Variants in PRKCH observed in about 807,000 individuals in gnomAD.
PRKCH encodes protein kinase C eta type.
PRKCH carries 28 observed loss-of-function variants against 82.5 expected under a neutral mutation model. The observed-to-expected ratio is 0.34, with a 90% confidence interval of 0.25 to 0.47. The LOEUF (loss-of-function observed/expected upper bound fraction) is 0.47, where lower values mean the gene tolerates loss of function less well. PRKCH is among the 20% of genes least tolerant of loss of function. PRKCH has a pLI of 1.00. For synonymous variants in PRKCH, 322 were observed against 327.4 expected (o/e 0.98, Z 0.18); for missense variants, 705 against 881.8 (o/e 0.80, Z 2.54).
Position 61,263,268 on chromosome 14 carries a change from A to G in PRKCH, c.-19+75600A>G, listed in dbSNP as rs1594880358. Reference sequence around the variant, plus strand: ...TTGCACATGATTCTACTGCTGCTGTATGAACTCATAAACATATAGACTTCA... The same window carrying G: ...TTGCACATGATTCTACTGCTGCTGTGTGAACTCATAAACATATAGACTTCA... On this transcript the variant is annotated intron_variant, in intron 1 of 3. Coordinates refer to the PRKCH transcript ENST00000555185. 2.6e-5 allele frequency among the ~76,000 whole-genome samples: 4 copies of G among 152,288 alleles called. No individual in the cohort carries two copies. In the South Asian group the frequency reaches 8.3e-4, roughly 32 times the overall value.
intron 10 of PRKCH, among the ~76,000 whole-genome samples, chr14:61,487,372 T>C (rs1436403577): frequency 6.6e-6 from 1 of 152,158 alleles, no homozygotes; most frequent in Non-Finnish European, 1.5e-5. Flanking sequence ...AGGCAGCTTG[T>C]TTTGAGCTTT....
chr14:61,486,298 TAC>T (rs1369507967), intron 10 of PRKCH, among the ~76,000 whole-genome samples: 39 of 141,066 alleles, frequency 2.8e-4, no homozygotes, highest in African/African-American at 9.7e-4. Flanking sequence ...TTACAAGAAT[TAC>T]AGTCATGTGG....
intron 12 of PRKCH, among the ~76,000 whole-genome samples, chr14:61,537,196 C>CGT (rs1424987620): frequency 2.0e-5 from 3 of 152,158 alleles, no homozygotes; most frequent in African/African-American, 7.2e-5. Flanking sequence ...CAATACTTAA[C>CGT]GTGTGCTTGC....
chr14:61,194,120 C>G (rs1407530354), intron 1 of PRKCH, among the ~76,000 whole-genome samples: 1 of 152,144 alleles, frequency 6.6e-6, no homozygotes, highest in Non-Finnish European at 1.5e-5. Context: ...ATTTCCTACT[C>G]TCTATTTGCT....
At chr14:61,196,427 G>C (rs1473505311) in intron 1 of PRKCH, among the ~76,000 whole-genome samples, 8 of 152,162 alleles carry the variant, frequency 5.3e-5, no homozygotes, top group Admixed American at 5.2e-4. Context: ...TTGCTAATCT[G>C]CTCAGCCGTC....
chr14:61,298,537 C>T (rs1396536447), intron 1 of PRKCH: 1 of 152,064 alleles, frequency 6.6e-6, no homozygotes, highest in Non-Finnish European at 1.5e-5. Context: ...ATAGAGAAAA[C>T]AAATAAGATA....
At chr14:61,498,847 A>G (rs973729788) in intron 10 of PRKCH, among the ~76,000 whole-genome samples, 2 of 152,164 alleles carry the variant, frequency 1.3e-5, no homozygotes, top group Non-Finnish European at 2.9e-5. Context: ...CTGGCAGGAC[A>G]CAAAACATTC....
chr14:61,504,943 TATA>T (rs1180941963), intron 10 of PRKCH, among the ~76,000 whole-genome samples: 1 of 152,174 alleles, frequency 6.6e-6, no homozygotes, highest in African/African-American at 2.4e-5. Context: ...TGCCTGGAGA[TATA>T]ATAGTGACCA....
chr14:61,457,150 G>T (rs746117196), intron 7 of PRKCH, 26 bp from the exon 8 acceptor site: 2 of 1,611,174 alleles, frequency 1.2e-6, no homozygotes, highest in South Asian at 2.2e-5. Context: ...TGCAATTTCT[G>T]ACTTAATGTG....
intron 1 of PRKCH, among the ~76,000 whole-genome samples, chr14:61,228,886 T>G (rs187598568): frequency 6.7e-6 from 1 of 150,162 alleles, no homozygotes; most frequent in East Asian, 2.3e-4. Context: ...TTAAAAAAAA[T>G]TTTTTTTAAT....
Position 61,273,312 on chromosome 14 carries a change from A to G in PRKCH, c.-19+85644A>G, listed in dbSNP as rs17098180. On this transcript the variant is annotated intron_variant, in intron 1 of 3. Coordinates refer to the PRKCH transcript ENST00000555185. Reference sequence around the variant, plus strand: ...ATGTGCCAAATGTTATAAACCAAACACCAGCCAGCAAATGGGACAACTACT... The same window carrying G: ...ATGTGCCAAATGTTATAAACCAAACGCCAGCCAGCAAATGGGACAACTACT... Among the ~76,000 whole-genome samples, 623 of 152,308 alleles carry G rather than the reference A, an allele frequency of 4.1e-3. 5 individuals are homozygous for G. The highest frequency in any genetic ancestry group is 0.014 in the African/African-American group (575 of 41,564).
chr14:61,285,928 CTG>C (rs1555373515), intron 1 of PRKCH, among the ~76,000 whole-genome samples: 1 of 152,228 alleles, frequency 6.6e-6, no homozygotes, highest in Non-Finnish European at 1.5e-5. Context: ...TAAGCAAACT[CTG>C]TTCCATTTAC....
chr14:61,468,922 T>C (rs765405152), intron 9 of PRKCH, among the ~76,000 whole-genome samples: 90 of 152,302 alleles, frequency 5.9e-4, no homozygotes, highest in Non-Finnish European at 9.6e-4. Context: ...CTTGGAACCC[T>C]TAAAGCCTGC....
intron 1 of PRKCH, among the ~76,000 whole-genome samples, chr14:61,233,692 C>T (rs530776675): frequency 2.0e-5 from 3 of 152,240 alleles, no homozygotes; most frequent in Admixed American, 6.5e-5. Context: ...TTAGTTATCA[C>T]GAGATCTGAT....
chr14:61,255,830 A>C (rs529029838), intron 1 of PRKCH, among the ~76,000 whole-genome samples: 96 of 152,276 alleles, frequency 6.3e-4, no homozygotes, highest in Non-Finnish European at 1.1e-3. Flanking sequence ...GGGAGTGCCA[A>C]ATTTCCTAAT....
intron 9 of PRKCH, among the ~76,000 whole-genome samples, chr14:61,479,545 ATCT>A (rs1257558885): frequency 6.6e-6 from 1 of 152,142 alleles, no homozygotes; most frequent in Non-Finnish European, 1.5e-5. Flanking sequence ...AGTTAGTATC[ATCT>A]TGTCACTGGT....
intron 1 of PRKCH, among the ~76,000 whole-genome samples, chr14:61,349,953 C>T (rs1265994987): frequency 6.6e-6 from 1 of 152,104 alleles, no homozygotes; most frequent in Non-Finnish European, 1.5e-5. Context: ...TTAGCAAGCA[C>T]TCAATGACAA....
Position 61,210,136 on chromosome 14 carries a change from AT to A in PRKCH, c.-19+22469del, listed in dbSNP as rs2044561221. ...AATATATATATATATATATATATATATATATATATATATATATATATATATA... is the reference window on the plus strand; with the variant it reads ...AATATATATATATATATATATATATAATATATATATATATATATATATATA... On this transcript the variant is annotated intron_variant, in intron 1 of 3. Coordinates refer to the PRKCH transcript ENST00000555185. 7.2e-4 allele frequency among the ~76,000 whole-genome samples: 30 copies of A among 41,698 alleles called. 2 individuals are homozygous for A. The highest frequency in any genetic ancestry group is 1.7e-3 in the South Asian group (2 of 1,192). 27.4% of individuals were successfully genotyped at this position (41,698 alleles called of 152,430 possible).
At chr14:61,350,801 A>T (rs2046063982) in intron 1 of PRKCH, among the ~76,000 whole-genome samples, 1 of 152,218 alleles carries the variant, frequency 6.6e-6, no homozygotes, top group Admixed American at 6.5e-5. Context: ...CAGACTAATA[A>T]TAAAAAGTCC....
Sources: gnomAD v4.1 joint callset for allele counts (sites outside exome capture counted in the v4.1 genomes callset) on GRCh38, gnomAD v4.1.1 for gene constraint, MANE v1.5 for transcripts, NCBI Gene and HGNC (gene_info 2026-07-23, HGNC 2026-07-21) for gene names.